Variants in AHCYL1 observed in about 807,000 individuals in gnomAD.
AHCYL1 encodes the protein adenosylhomocysteinase like 1.
Under a neutral mutation model 79.3 loss-of-function variants are expected in AHCYL1, and 20 were observed. The ratio of observed to expected loss-of-function variants is 0.25; its 90% CI spans 0.18 to 0.37. AHCYL1 has a LOEUF of 0.37. Among genes scored for constraint, AHCYL1 ranks in the 10% least tolerant of loss-of-function variants. The pLI, the probability that AHCYL1 is intolerant of heterozygous loss-of-function variation, is 1.00. For missense variants in AHCYL1, 330 were observed against 673.6 expected (o/e 0.49, Z 5.65); for synonymous variants, 223 against 242.2 (o/e 0.92, Z 0.74).
At chr1:109,991,235 A>G (rs1364846823) in intron 1 of AHCYL1, among the ~76,000 whole-genome samples, 1 of 152,226 alleles carries the variant, frequency 6.6e-6, no homozygotes, top group African/African-American at 2.4e-5. Context: ...ACACAAAGTA[A>G]AAAGTTTAAT....
intron 1 of AHCYL1, among the ~76,000 whole-genome samples, chr1:110,000,153 A>C (rs975271040): frequency 6.6e-6 from 1 of 152,240 alleles, no homozygotes; most frequent in Admixed American, 6.5e-5. Context: ...GTAACTTCTC[A>C]TGAAATAACC....
At chr1:109,988,153 CA>C (rs770563059) in intron 1 of AHCYL1, among the ~76,000 whole-genome samples, 4 of 152,204 alleles carry the variant, frequency 2.6e-5, no homozygotes, top group Non-Finnish European at 5.9e-5. Flanking sequence ...TGAAAAGAAT[CA>C]TAGTTACAGT....
At chr1:109,995,039 G>A (rs770112563) in intron 1 of AHCYL1, among the ~76,000 whole-genome samples, 127 of 152,268 alleles carry the variant, frequency 8.3e-4, no homozygotes, top group Non-Finnish European at 1.1e-3. Context: ...AGATTTCCCG[G>A]AGAGAAACAT....
chr1:110,011,169 C>T (rs771124412), intron 2 of AHCYL1, 45 bp from the exon 3 acceptor site: 1 of 1,608,822 alleles, frequency 6.2e-7, no homozygotes, highest in Non-Finnish European at 8.5e-7. Context: ...GAGTTGGGGA[C>T]CACTGAGGTT....
chr1:110,004,739 CTG>C (rs1451515635), intron 1 of AHCYL1, among the ~76,000 whole-genome samples: 1 of 151,626 alleles, frequency 6.6e-6, no homozygotes, highest in Non-Finnish European at 1.5e-5. Context: ...TAGTGAGACC[CTG>C]TCTCTTTAAA....
At chr1:109,987,637 G>T (rs1649541787) in intron 1 of AHCYL1, among the ~76,000 whole-genome samples, 1 of 152,106 alleles carries the variant, frequency 6.6e-6, no homozygotes, top group Admixed American at 6.5e-5. Flanking sequence ...TATTCATTTT[G>T]TTTGCTTTGT....
intron 1 of AHCYL1, among the ~76,000 whole-genome samples, chr1:109,989,842 G>A (rs1398714290): frequency 1.3e-5 from 2 of 152,156 alleles, no homozygotes; most frequent in East Asian, 1.9e-4. Context: ...AATGAGGTGC[G>A]TCAGAAGCAT....
intron 1 of AHCYL1, 190 bp downstream of exon 1, chr1:109,985,362 T>C: frequency 1.5e-6 from 2 of 1,317,534 alleles, no homozygotes; most frequent in Middle Eastern, 5.8e-4. Context: ...CTCGCTTTCC[T>C]TTGTCCCTCG....
At chr1:109,987,243 G>A (rs1557757307) in intron 1 of AHCYL1, among the ~76,000 whole-genome samples, 1 of 152,208 alleles carries the variant, frequency 6.6e-6, no homozygotes, top group African/African-American at 2.4e-5. Context: ...GCAAGTCCTA[G>A]GCAATCTGTT....
At chr1:110,009,364 T>C (rs1650872677) in intron 2 of AHCYL1, among the ~76,000 whole-genome samples, 1 of 152,254 alleles carries the variant, frequency 6.6e-6, no homozygotes, top group Non-Finnish European at 1.5e-5. Context: ...TCTGTGTGTG[T>C]GGTCTGTGGC....
At chr1:110,015,650 T>TA in intron 7 of AHCYL1, 119 bp downstream of exon 7, 1 of 644,090 alleles carries the variant, frequency 1.6e-6, no homozygotes. Flanking sequence ...CTTCATTAGA[T>TA]AAAATTTTGA....
At chr1:110,004,011 A>G (rs1650484489) in intron 1 of AHCYL1, 3 of 985,280 alleles carry the variant, frequency 3.0e-6, no homozygotes, top group Admixed American at 6.2e-5. Context: ...AGAGTTTTTC[A>G]AGCTGTGTGT....
At chr1:109,996,654 G>A (rs1335368130) in intron 1 of AHCYL1, among the ~76,000 whole-genome samples, 2 of 152,204 alleles carry the variant, frequency 1.3e-5, no homozygotes, top group African/African-American at 4.8e-5. Flanking sequence ...GCAAACGTCA[G>A]AGAGACTTTA....
rs1553185726 is a variant in AHCYL1 at position 109,984,830 on chromosome 1, G to GT, written c.-221dup. 1.8e-6 allele frequency: 1 copy of GT among 541,316 alleles called. No individual in the cohort carries two copies. The highest frequency in any genetic ancestry group is 2.7e-6 in the Non-Finnish European group (1 of 366,000). 33.5% of individuals were successfully genotyped at this position (541,316 alleles called of 1,614,324 possible). A position where few individuals can be genotyped will look rare whatever the true frequency, so the allele number is the denominator to read the frequency against. On this transcript the variant is annotated 5_prime_UTR_variant, in exon 1 of 17. Transcript: ENST00000369799. ...GGGCAGGTCGGAGCTCGGAGCTGCT[G>GT]TTCTGGTTCTCTTGTGGCCGCCGTC...
chr1:110,013,019 A>G lies in AHCYL1; in HGVS notation c.580+20A>G, dbSNP rs1158323058. 4 of 1,589,670 alleles carry G rather than the reference A, an allele frequency of 2.5e-6. No individual in the cohort carries two copies. Among genetic ancestry groups the G allele is most frequent in the African/African-American group, 1.4e-5 (1 of 74,004 alleles). On this transcript the variant is annotated intron_variant, in intron 5 of 16. Transcript: ENST00000369799. ...AGGCTGGTAAGTTCGGTTTTTTCCC[A>G]CCAACTTTGCCCCAAAATAGTTATC...
chr1:110,022,000 C>A lies in AHCYL1; in HGVS notation c.*320C>A. On this transcript the variant is annotated 3_prime_UTR_variant, in exon 17 of 17. Transcript: ENST00000369799. The stretch of plus-strand genomic sequence containing the variant: ...TTAGGTACCTTATTAACAGGAAATG[C>A]TAAGGTACCTTCTCTGTGGAACAAT... 3.5e-6 allele frequency: 1 copy of A among 288,670 alleles called. No homozygotes were observed. The highest frequency in any genetic ancestry group is 6.6e-5 in the South Asian group (1 of 15,256). The allele number at this position is 288,670 out of a possible 1,614,324, so 17.9% of individuals were successfully genotyped here.
chr1:110,010,354 A>G (rs546354223), intron 2 of AHCYL1, among the ~76,000 whole-genome samples: 9 of 152,356 alleles, frequency 5.9e-5, no homozygotes, highest in South Asian at 2.1e-4. Context: ...GAGTCCAGGT[A>G]TACTAGCAGA....
At position 110,009,098 on chromosome 1, in the gene AHCYL1, C is replaced by CT; in HGVS notation, c.188dup (p.Leu63PhefsTer11). ...TTCCCCACCAAAACTGGCCGAAGAT[C>CT]TTTGTCTCGCTCGATCTCACAGTCC... On this transcript the variant is annotated frameshift_variant, in exon 2 of 17. Coordinates refer to ENST00000369799, the MANE Select transcript of AHCYL1 (RefSeq NM_006621.7). LOFTEE classifies it high-confidence loss of function. The CT allele has an allele frequency of 6.2e-7, 1 of 1,614,004 alleles. No individual in the cohort carries two copies. The highest frequency in any genetic ancestry group is 8.5e-7 in the Non-Finnish European group (1 of 1,179,918).
At chr1:109,995,017 A>T (rs1308262125) in intron 1 of AHCYL1, among the ~76,000 whole-genome samples, 3 of 152,046 alleles carry the variant, frequency 2.0e-5, no homozygotes, top group African/African-American at 7.3e-5. Context: ...ACCTTATTGC[A>T]CCCCTTCCCC....
Sources: allele counts gnomAD v4.1 joint callset (sites outside exome capture counted in the v4.1 genomes callset), GRCh38; gene constraint gnomAD v4.1.1; transcripts MANE v1.5; gene names NCBI Gene and HGNC (gene_info 2026-07-23, HGNC 2026-07-21).